The following DPYSL4 variants were observed in gnomAD, a reference collection of about 807,000 sequenced individuals.
The protein encoded by DPYSL4 is dihydropyrimidinase-related protein 4.
In DPYSL4, 43 loss-of-function variants were observed where a neutral mutation model predicts 63.4. The ratio of observed to expected loss-of-function variants is 0.68; its 90% CI spans 0.53 to 0.88. The LOEUF is 0.88. Ranked by LOEUF, DPYSL4 falls within the 40% of genes least tolerant of loss-of-function variation. The probability of loss-of-function intolerance (pLI) is 0.00; values close to 1 mark genes in which losing one functional copy is unlikely to be tolerated. For missense variants in DPYSL4, 733 were observed against 819.5 expected, an observed-to-expected ratio of 0.89 and a Z score of 1.29; for synonymous variants, 353 against 331.7, an observed-to-expected ratio of 1.06 and a Z score of -0.70.
At chr10:132,193,431 C>T (rs532791320) in intron 3 of DPYSL4, among the ~76,000 whole-genome samples, 1 of 152,370 alleles carries the variant, frequency 6.6e-6, no homozygotes, top group Admixed American at 6.5e-5. Flanking sequence ...ACCCTCTGAG[C>T]TCAGCCCAGC....
At chr10:132,203,970 C>T (rs756948302) in intron 13 of DPYSL4, 43 bp downstream of exon 13, 9 of 1,562,898 alleles carry the variant, frequency 5.8e-6, no homozygotes, top group Admixed American at 1.7e-5. Flanking sequence ...GGGGCTCTGC[C>T]GGAGCATCCA....
At chr10:132,190,606 G>A (rs770494609) in intron 1 of DPYSL4, 141 bp from the exon 2 acceptor site, 291 of 715,534 alleles carry the variant, frequency 4.1e-4, no homozygotes, top group Non-Finnish European at 5.5e-4. Flanking sequence ...ATAGTAAGCC[G>A]CTGCAGGCTT....
Position 132,192,888 on chromosome 10 carries a change from C to T in DPYSL4, c.313+46C>T, listed in dbSNP as rs1353756531. The T allele has an allele frequency of 2.0e-6, 3 of 1,536,642 alleles. No homozygotes were observed. In the East Asian group the frequency reaches 6.9e-5, roughly 35 times the overall value. ...CTCTACAGGGGGCAGCCAGCGTCTG[C>T]TGCCCCTCTCTCTGGCCAGGTGTGT... On this transcript the variant is annotated intron_variant, in intron 3 of 13. Transcript: ENST00000338492.
intron 9 of DPYSL4, 93 bp downstream of exon 9, chr10:132,200,605 C>T: frequency 1.1e-5 from 16 of 1,514,320 alleles, no homozygotes; most frequent in Non-Finnish European, 1.3e-5. Flanking sequence ...TCCCACGGCT[C>T]CCATAGGGCA....
chr10:132,189,993 A>G (rs1056026528), intron 1 of DPYSL4, among the ~76,000 whole-genome samples: 3 of 152,106 alleles, frequency 2.0e-5, no homozygotes, highest in African/African-American at 4.8e-5. Flanking sequence ...ATGGCAGCTC[A>G]AGCCCTTTCC....
intron 3 of DPYSL4, among the ~76,000 whole-genome samples, chr10:132,194,000 C>T (rs934269766): frequency 3.3e-5 from 5 of 152,256 alleles, no homozygotes; most frequent in East Asian, 1.9e-4. Flanking sequence ...TCTGCACAGT[C>T]GAGACCACCT....
rs773564112 is a variant in DPYSL4, at chr10:132,198,832, C to T, written c.691-19C>T. ...CCCAGGGCCCTCGTGTGGCCTCATC[C>T]CTCTCATCTCGTCCCCAGGTGGAGG... On this transcript the variant is annotated intron_variant, in intron 7 of 13. Transcript: ENST00000338492. 15 of 1,612,290 alleles carry T rather than the reference C, an allele frequency of 9.3e-6. No homozygotes were observed. Among genetic ancestry groups the T allele is most frequent in the Non-Finnish European group, 1.2e-5 (14 of 1,179,678 alleles).
chr10:132,197,097 A>AGGAGGTGCCGTGGGGC lies in DPYSL4; in HGVS notation c.618_621+12dup, dbSNP rs2061955942. ...CACGCTGAGAACGGGGACATCGTGG[A>AGGAGGTGCCGTGGGGC]GGAGGTGCCGTGGGGCAGGGCTGCC... On this transcript the variant is annotated frameshift_variant, in exon 6 of 14. Transcript: ENST00000338492. LOFTEE classifies it high-confidence loss of function. 6.6e-7 allele frequency: 1 copy of AGGAGGTGCCGTGGGGC among 1,512,672 alleles called. No individual in the cohort carries two copies. Among genetic ancestry groups the AGGAGGTGCCGTGGGGC allele is most frequent in the South Asian group, 1.3e-5 (1 of 77,212 alleles). The allele number at this position is 1,512,672 out of a possible 1,614,324, so 93.7% of individuals were successfully genotyped here. A position where few individuals can be genotyped will look rare whatever the true frequency, so the allele number is the denominator to read the frequency against.
intron 6 of DPYSL4, among the ~76,000 whole-genome samples, chr10:132,197,992 G>A (rs2061966869): frequency 6.6e-6 from 1 of 152,220 alleles, no homozygotes; most frequent in Admixed American, 6.5e-5. Flanking sequence ...GACACGAGCG[G>A]ATGCCGTAGT....
chr10:132,197,079 A>T lies in DPYSL4; in HGVS notation c.599A>T (p.Glu200Val). ...DLGALAQVHA[E>V]NGDIVEEEQK... ...GGGGCCTTGGCCCAGGTGCACGCTG[A>T]GAACGGGGACATCGTGGAGGAGGTG... Residue 200 changes from glutamate to valine, a missense_variant, in exon 6 of 14, where the codon GAG becomes GTG. Physicochemically the swap from Glu to Val is moderately radical, Grantham distance 121. Transcript: ENST00000338492. The T allele has an allele frequency of 6.5e-7, 1 of 1,545,788 alleles. No homozygotes were observed. The highest frequency in any genetic ancestry group is 8.7e-7 in the Non-Finnish European group (1 of 1,143,788).
At chr10:132,191,658 C>T (rs1279160426) in intron 2 of DPYSL4, among the ~76,000 whole-genome samples, 15 of 48,608 alleles carry the variant, frequency 3.1e-4, no homozygotes, top group East Asian at 9.2e-3. Context: ...ACGCTGGTCA[C>T]GTGGTATCCA....
intron 3 of DPYSL4, among the ~76,000 whole-genome samples, chr10:132,193,659 A>G (rs1296744372): frequency 6.6e-6 from 1 of 152,228 alleles, no homozygotes; most frequent in Non-Finnish European, 1.5e-5. Context: ...ACCTGGTTGT[A>G]TGGTTTTCTA....
intron 11 of DPYSL4, among the ~76,000 whole-genome samples, chr10:132,202,417 G>A (rs1406647875): frequency 6.6e-6 from 1 of 152,234 alleles, no homozygotes; most frequent in Non-Finnish European, 1.5e-5. Context: ...GCCCACGCCT[G>A]TCCCCTTTGT....
intron 1 of DPYSL4, among the ~76,000 whole-genome samples, chr10:132,187,584 C>G (rs903783288): frequency 6.6e-6 from 1 of 152,210 alleles, no homozygotes. Flanking sequence ...GTGGGTCGCC[C>G]GCCCCTTGGA....
chr10:132,194,100 CCT>C (rs1590093303), intron 3 of DPYSL4, among the ~76,000 whole-genome samples: 1 of 152,272 alleles, frequency 6.6e-6, no homozygotes, highest in South Asian at 2.1e-4. Context: ...CTCTATCCTG[CCT>C]CTGTCTTCCT....
intron 6 of DPYSL4, among the ~76,000 whole-genome samples, chr10:132,197,346 T>A (rs2061959287): frequency 1.3e-5 from 2 of 152,204 alleles, no homozygotes; most frequent in South Asian, 4.1e-4. Flanking sequence ...GATCAACACT[T>A]CTTATCCAAA....
chr10:132,204,174 T>TGGGGTGAGGCTGTCACATGGAACCCA (rs1357134361), intron 13 of DPYSL4, among the ~76,000 whole-genome samples: 1 of 152,152 alleles, frequency 6.6e-6, no homozygotes, highest in Non-Finnish European at 1.5e-5. Context: ...ACAGTGGCAC[T>TGGGGTGAGGCTGTCACATGGAACCCA]GGGGTGAGGC....
rs1360416288 is a variant in DPYSL4, at chr10:132,198,936, G to A, written c.776G>A (p.Gly259Glu). 14 of 1,612,778 alleles carry A rather than the reference G, an allele frequency of 8.7e-6. No homozygotes were observed. The highest frequency in any genetic ancestry group is 1.2e-5 in the Non-Finnish European group (14 of 1,179,896). Reference protein sequence around the residue: ...PLYVTKVMSKGAADAIAQAKR... With the variant: ...PLYVTKVMSKEAADAIAQAKR... ...TACGTCACCAAGGTGATGAGCAAGGGGGCGGCCGACGCCATCGCTCAGGCC... is the reference window on the plus strand; with the variant it reads ...TACGTCACCAAGGTGATGAGCAAGGAGGCGGCCGACGCCATCGCTCAGGCC... The change falls in exon 8 of 14, where the codon GGG becomes GAG. Residue 259 changes from glycine (G) to glutamate (E), a missense_variant. Gly to Glu is a moderately conservative substitution (Grantham distance 98). Transcript: ENST00000338492.
intron 1 of DPYSL4, among the ~76,000 whole-genome samples, 174 bp from the exon 2 acceptor site, chr10:132,190,573 C>G (rs557976404): frequency 1.3e-5 from 2 of 152,366 alleles, no homozygotes; most frequent in South Asian, 4.1e-4. Flanking sequence ...TGTTTTTGAG[C>G]GCCTGGTGCC....
Sources: gnomAD v4.1 joint callset for allele counts (sites outside exome capture counted in the v4.1 genomes callset) on GRCh38, gnomAD v4.1.1 for gene constraint, MANE v1.5 for transcripts, NCBI Gene and HGNC (gene_info 2026-07-23, HGNC 2026-07-21) for gene names.